The following UNC80 variants were observed in gnomAD, a reference collection of about 807,000 sequenced individuals.
The protein encoded by UNC80 is unc-80 subunit of NALCN channel complex.
In UNC80, 164 loss-of-function variants were observed where a neutral mutation model predicts 384.6. That is an observed-to-expected ratio of 0.43 (90% CI 0.38 to 0.49). The LOEUF (loss-of-function observed/expected upper bound fraction) is 0.49. UNC80 is among the 20% of genes least tolerant of loss of function. UNC80 has a pLI of 0.00. For missense variants in UNC80, 3,330 were observed against 4,143.0 expected (o/e 0.80, Z 5.39); for synonymous variants, 1,486 against 1,527.8 (o/e 0.97, Z 0.64).
chr2:209,849,914 A>G (rs1379907917), intron 22 of UNC80, among the ~76,000 whole-genome samples: 1 of 152,100 alleles, frequency 6.6e-6, no homozygotes, highest in African/African-American at 2.4e-5. Context: ...AAGAGCAATA[A>G]CAATACTATA....
intron 61 of UNC80, among the ~76,000 whole-genome samples, chr2:209,990,116 C>A (rs975668119): frequency 1.3e-5 from 2 of 152,082 alleles, no homozygotes; most frequent in African/African-American, 2.4e-5. Context: ...AATTTCGATG[C>A]TTATGATCCT....
At position 209,834,030 on chromosome 2, in the gene UNC80, T is replaced by G; in HGVS notation, c.2804T>G (p.Val935Gly). The G allele has an allele frequency of 6.4e-7, 1 of 1,551,708 alleles. No individual in the cohort carries two copies. Among genetic ancestry groups the G allele is most frequent in the Non-Finnish European group, 8.7e-7 (1 of 1,146,966 alleles). Residue 935 changes from valine (V) to glycine (G), a missense_variant, in exon 17 of 65, where the codon GTC becomes GGC. Physicochemically the swap from Val to Gly is moderately radical, Grantham distance 109. Around this residue, in one of 8 missense-constraint regions of UNC80, gnomAD observed 937 missense variants for 1,026.8 expected, o/e 0.91. Coordinates refer to ENST00000673920, the MANE Select transcript of UNC80 (RefSeq NM_001371986.1). ...CTGTATTGTGACATTCGTCAGCTGGTCCAGTTTATCAAAGAGGCTCATGGG... is the reference window on the plus strand; with the variant it reads ...CTGTATTGTGACATTCGTCAGCTGGGCCAGTTTATCAAAGAGGCTCATGGG... ...LGLYCDIRQLVQFIKEAHGNV... is the reference protein window; with the variant it reads ...LGLYCDIRQLGQFIKEAHGNV...
intron 61 of UNC80, 143 bp downstream of exon 61, chr2:209,985,055 A>G (rs753189682): frequency 1.5e-6 from 1 of 663,036 alleles, no homozygotes; most frequent in Non-Finnish European, 2.3e-6. Context: ...TTGTTCATGA[A>G]CATATGAGCC....
intron 22 of UNC80, among the ~76,000 whole-genome samples, chr2:209,857,154 A>G (rs2082996024): frequency 6.6e-6 from 1 of 152,102 alleles, no homozygotes; most frequent in Admixed American, 6.6e-5. Context: ...AATAGTTAGA[A>G]CTTAAACATC....
chr2:209,954,005 C>G (rs1021831693), intron 47 of UNC80, 95 bp from the exon 48 acceptor site: 70 of 1,354,318 alleles, frequency 5.2e-5, no homozygotes, highest in Non-Finnish European at 6.9e-5. Flanking sequence ...TCATATATCT[C>G]TAGATGCTTT....
intron 25 of UNC80, among the ~76,000 whole-genome samples, chr2:209,881,964 CTTTTTTTTTTT>C (rs34822717): frequency 9.1e-5 from 12 of 131,204 alleles, no homozygotes; most frequent in Admixed American, 6.6e-4. Context: ...ACCTCTCCTT[CTTTTTTTTTTT>C]TTTTTTTTTG....
intron 6 of UNC80, among the ~76,000 whole-genome samples, chr2:209,791,842 A>AAAG (rs1245287678): frequency 6.7e-6 from 1 of 149,588 alleles, no homozygotes; most frequent in Non-Finnish European, 1.5e-5. Context: ...AAAAAAAAAA[A>AAAG]AAAAAAGATC....
intron 26 of UNC80, among the ~76,000 whole-genome samples, chr2:209,893,053 C>T (rs888913328): frequency 6.6e-6 from 1 of 152,196 alleles, no homozygotes; most frequent in African/African-American, 2.4e-5. Context: ...CTTTAAATGG[C>T]ATTAAAAGTA....
In UNC80 at chr2:209,972,291, C is replaced by G; in HGVS notation, c.8347C>G (p.Pro2783Ala). The change falls in exon 55 of 65, where the codon CCA (proline) becomes GCA (alanine). Residue 2783 changes from proline (P) to alanine (A), a missense_variant. By Grantham distance (27) the Pro-to-Ala change is conservative. Transcript: ENST00000673920. ...GGGGATGCTTTTAAATCTGCTCATC[C>G]CATTTGTGCTCACAGTAGGATCTGG... Reference protein sequence around the residue: ...REGMLLNLLIPFVLTVGSGSK... With the variant: ...REGMLLNLLIAFVLTVGSGSK... The G allele has an allele frequency of 6.4e-7, 1 of 1,551,700 alleles. No homozygotes were observed. The highest frequency in any genetic ancestry group is 8.7e-7 in the Non-Finnish European group (1 of 1,146,850).
In UNC80 at chr2:209,995,870, A is replaced by G. The variant is rs1320727080; in HGVS notation, c.*275A>G. ...TTCACTGCACATTGTTTATGATTCA[A>G]GAAGCCTTCAGCAGTTAAAAATATA... On this transcript the variant is annotated 3_prime_UTR_variant, in exon 65 of 65. Coordinates refer to ENST00000673920, the MANE Select transcript of UNC80 (RefSeq NM_001371986.1). 3 of 366,092 alleles carry G rather than the reference A, an allele frequency of 8.2e-6. No homozygotes were observed. Among genetic ancestry groups the G allele is most frequent in the East Asian group, 5.8e-5 (1 of 17,228 alleles). 22.7% of individuals were successfully genotyped at this position (366,092 alleles called of 1,614,324 possible). A position where few individuals can be genotyped will look rare whatever the true frequency, so the allele number is the denominator to read the frequency against.
rs1199665181 is a variant in UNC80, at chr2:209,815,262, C to T, written c.1206C>T (p.Leu402=). 1.9e-6 allele frequency: 3 copies of T among 1,551,550 alleles called. No individual in the cohort carries two copies. Among genetic ancestry groups the T allele is most frequent in the East Asian group, 2.4e-5 (1 of 40,902 alleles). ...SLVNTHKTQD[L]TMKCNEEEKS... ...CACTGTCTACCTTTATTAAGGATCT[C>T]ACCATGAAGTGTAACGAGGAGGAAA... is the stretch of plus-strand genomic sequence containing the variant. The change falls in exon 9 of 65, where the codon CTC becomes CTT. Residue 402 remains leucine (L), a synonymous_variant. Coordinates refer to ENST00000673920, the MANE Select transcript of UNC80 (RefSeq NM_001371986.1).
At chr2:209,934,565 A>AGAT (rs1215631844) in intron 39 of UNC80, among the ~76,000 whole-genome samples, 1 of 152,212 alleles carries the variant, frequency 6.6e-6, no homozygotes, top group East Asian at 1.9e-4. Context: ...AGAAAATTTG[A>AGAT]GATGATACAT....
intron 38 of UNC80, among the ~76,000 whole-genome samples, 163 bp from the exon 39 acceptor site, chr2:209,933,659 T>C (rs190574075): frequency 3.3e-5 from 5 of 152,170 alleles, no homozygotes; most frequent in African/African-American, 1.2e-4. Context: ...AGTTTTCCAG[T>C]TATGCCCTCT....
intron 22 of UNC80, among the ~76,000 whole-genome samples, chr2:209,862,223 T>C (rs2083392361): frequency 6.6e-6 from 1 of 152,246 alleles, no homozygotes; most frequent in South Asian, 2.1e-4. Flanking sequence ...CCAGATATTC[T>C]GGTACATTGT....
chr2:209,820,226 A>T, intron 12 of UNC80, 85 bp from the exon 13 acceptor site: 1 of 1,426,058 alleles, frequency 7.0e-7, no homozygotes, highest in South Asian at 1.7e-5. Flanking sequence ...GCCTAAGGAA[A>T]TGGGTTAAAC....
chr2:209,840,726 C>A (rs2081673107), intron 20 of UNC80, 78 bp downstream of exon 20: 2 of 1,151,086 alleles, frequency 1.7e-6, no homozygotes, highest in East Asian at 2.6e-5. Context: ...ATAGCAAACA[C>A]CTGCAGGGGC....
At chr2:209,844,534 T>C (rs1007616104) in intron 21 of UNC80, among the ~76,000 whole-genome samples, 13 of 135,436 alleles carry the variant, frequency 9.6e-5, no homozygotes, top group Non-Finnish European at 1.9e-4. Flanking sequence ...CTTCCTTCCT[T>C]CCTTCCTTCC....
chr2:209,829,875 T>G (rs575889471), intron 15 of UNC80, among the ~76,000 whole-genome samples: 1 of 152,352 alleles, frequency 6.6e-6, no homozygotes, highest in East Asian at 1.9e-4. Flanking sequence ...ACACACATAC[T>G]TAATTTTTTT....
chr2:209,984,944 T>C (rs764233364), intron 61 of UNC80, 32 bp downstream of exon 61: 2 of 1,538,318 alleles, frequency 1.3e-6, no homozygotes, highest in African/African-American at 1.4e-5. Flanking sequence ...TCTATTGGTG[T>C]CTGTGCTGGG....
Sources: allele counts gnomAD v4.1 joint callset (sites outside exome capture counted in the v4.1 genomes callset), GRCh38; gene constraint gnomAD v4.1.1; regional missense constraint gnomAD v4.1.1; transcripts MANE v1.5; gene names NCBI Gene and HGNC (gene_info 2026-07-23, HGNC 2026-07-21).